The following PRR14 variants were observed in gnomAD, a reference collection of about 807,000 sequenced individuals.
PRR14 encodes proline-rich protein 14.
PRR14 carries 33 observed loss-of-function variants against 57.2 expected under a neutral mutation model. That is an observed-to-expected ratio of 0.58 (90% CI 0.44 to 0.77). PRR14 has a LOEUF of 0.77. Ranked by LOEUF, PRR14 falls within the 30% of genes least tolerant of loss-of-function variation. The pLI, the probability that PRR14 is intolerant of heterozygous loss-of-function variation, is 0.00. For synonymous variants in PRR14, 303 were observed against 314.7 expected, an observed-to-expected ratio of 0.96 and a Z score of 0.39; for missense variants, 716 against 788.1, an observed-to-expected ratio of 0.91 and a Z score of 1.10.
At position 30,654,768 on chromosome 16, in the gene PRR14, G is replaced by A. The variant is rs895233834; in HGVS notation, c.798G>A (p.Thr266=). ...AGAGCTTTGCTGACATCTTCCTCACGCCCAACAAAACCCCACAGCCCCCAC... is the reference window on the plus strand; with the variant it reads ...AGAGCTTTGCTGACATCTTCCTCACACCCAACAAAACCCCACAGCCCCCAC... ...KLESFADIFL[T]PNKTPQPPPP... The change falls in exon 8 of 12, where the codon ACG becomes ACA. Residue 266 remains threonine, a synonymous_variant. Transcript: ENST00000300835. 15 of 1,612,654 alleles carry A rather than the reference G, an allele frequency of 9.3e-6. No individual in the cohort carries two copies. The highest frequency in any genetic ancestry group is 4.0e-5 in the African/African-American group (3 of 74,854).
Position 30,655,927 on chromosome 16 carries a change from C to T in PRR14, c.1466C>T (p.Pro489Leu), listed in dbSNP as rs78849083. The T allele has an allele frequency of 1.4e-5, 23 of 1,614,018 alleles. No individual in the cohort carries two copies. The highest frequency in any genetic ancestry group is 3.3e-5 in the Admixed American group (2 of 59,998). Residue 489 changes from proline (P) to leucine (L), a missense_variant, in exon 11 of 12, where the codon CCC (proline) becomes CTC (leucine). By Grantham distance (98) the Pro-to-Leu change is moderately conservative (BLOSUM62 -3). Transcript: ENST00000300835. This position sits in a 1 kb window ranked among gnomAD's most constrained non-coding sequence, Gnocchi z 4.6. ...EIYTNKNYQS[P>L]TTRRTFETIF... ...TACACCAACAAGAATTACCAATCAC[C>T]CACAACCAGGAGGTGAGACACTTGG...
rs2052313851 is a variant in PRR14, at chr16:30,651,674, AGCGTACCCGG to A, written c.23+10_23+19del. ...GACTTGCCCGGGGACTCCAGGTGAG[AGCGTACCCGG>A]GCGGCCCGCCTGTCTTGACCCCGGG... On this transcript the variant is annotated splice_region_variant and intron_variant, in intron 2 of 11. Coordinates refer to ENST00000300835, the MANE Select transcript of PRR14 (RefSeq NM_024031.5). This position sits in a 1 kb window ranked among gnomAD's most constrained non-coding sequence, Gnocchi z 5.0. 1.9e-6 allele frequency: 3 copies of A among 1,609,460 alleles called. No individual in the cohort carries two copies. The African/African-American group carries it at 4.0e-5, about 22-fold the overall frequency.
In PRR14 at chr16:30,656,128, C is replaced by T. The variant is rs766770252; in HGVS notation, c.1575C>T (p.Asp525=). 2 of 1,576,588 alleles carry T rather than the reference C, an allele frequency of 1.3e-6. No homozygotes were observed. Among genetic ancestry groups the T allele is most frequent in the Non-Finnish European group, 8.6e-7 (1 of 1,162,858 alleles). Residue 525 remains aspartate (D), a synonymous_variant, in exon 12 of 12, where the codon GAC becomes GAT. Transcript: ENST00000300835. The stretch of plus-strand genomic sequence containing the variant: ...TCCGGCGGGCTGTGGAATTTCGGGA[C>T]AGCAGCCTTCCTCGATCACGAAGAC... ...RKLRRAVEFR[D]SSLPRSRRPS...
chr16:30,655,684 A>C lies in PRR14; in HGVS notation c.1406+91A>C. On this transcript the variant is annotated intron_variant, in intron 10 of 11. Transcript: ENST00000300835. The surrounding 1 kb of genome is among the most constrained non-coding windows in gnomAD (Gnocchi z 4.6). ...ATAGCTTTGTCTCCCCTCAGGGAGC[A>C]CAGTCCAGCCTGAAAGATTCAATTC... 2.9e-6 allele frequency: 4 copies of C among 1,368,980 alleles called. No homozygotes were observed. Among genetic ancestry groups the C allele is most frequent in the South Asian group, 2.4e-5 (2 of 84,412 alleles). The allele number at this position is 1,368,980 out of a possible 1,614,324, so 84.8% of individuals were successfully genotyped here.
intron 3 of PRR14, 109 bp from the exon 4 acceptor site, chr16:30,652,612 C>A: frequency 7.4e-7 from 1 of 1,352,674 alleles, no homozygotes; most frequent in South Asian, 1.2e-5. Flanking sequence ...TGAATTCTAG[C>A]CCCAATCTCT....
At position 30,656,402 on chromosome 16, in the gene PRR14, A is replaced by C. The variant is rs924171295; in HGVS notation, c.*91A>C. 1 of 1,243,250 alleles carries C rather than the reference A, an allele frequency of 8.0e-7. No homozygotes were observed. The highest frequency in any genetic ancestry group is 1.5e-5 in the African/African-American group (1 of 65,660). The allele number at this position is 1,243,250 out of a possible 1,614,324, so 77.0% of individuals were successfully genotyped here. The stretch of plus-strand genomic sequence containing the variant: ...CTCTATATTTCTAGTAAAGTTTTCG[A>C]TATGTTTCTGATTCTTTTGTATCTC... On this transcript the variant is annotated 3_prime_UTR_variant, in exon 12 of 12. Transcript: ENST00000300835.
intron 6 of PRR14, among the ~76,000 whole-genome samples, chr16:30,653,811 C>T (rs2052337334): frequency 6.6e-6 from 1 of 152,176 alleles, no homozygotes; most frequent in African/African-American, 2.4e-5. Flanking sequence ...GGATTACAGG[C>T]ATCCGCCACA....
In PRR14 at chr16:30,652,904, C is replaced by G. The variant is rs1301797838; in HGVS notation, c.315-10C>G. 1 of 1,613,790 alleles carries G rather than the reference C, an allele frequency of 6.2e-7. No individual in the cohort carries two copies. Among genetic ancestry groups the G allele is most frequent in the African/African-American group, 1.3e-5 (1 of 74,940 alleles). On this transcript the variant is annotated splice_polypyrimidine_tract_variant and intron_variant, in intron 4 of 11. Coordinates refer to ENST00000300835, the MANE Select transcript of PRR14 (RefSeq NM_024031.5). ...GCTGAGCCATTTTAATCTTCCTGTT[C>G]CCTCGCTAGGCCTCCCGACCCTCTG...
chr16:30,655,251 C>T lies in PRR14; in HGVS notation c.1244+37C>T. On this transcript the variant is annotated intron_variant, in intron 8 of 11. Coordinates refer to ENST00000300835, the MANE Select transcript of PRR14 (RefSeq NM_024031.5). This position sits in a 1 kb window ranked among gnomAD's most constrained non-coding sequence, Gnocchi z 4.6. ...AAAAAACCCCCTTGAAGCCTGGCTG[C>T]AGCCTGGTCCCAGCCTCCTTCCCTG... The T allele has an allele frequency of 6.3e-7, 1 of 1,593,958 alleles. No individual in the cohort carries two copies. The highest frequency in any genetic ancestry group is 8.6e-7 in the Non-Finnish European group (1 of 1,166,622).
rs766916067 is a variant in PRR14 at position 30,652,901 on chromosome 16, G to T, written c.315-13G>T. On this transcript the variant is annotated splice_polypyrimidine_tract_variant and intron_variant, in intron 4 of 11. Coordinates refer to ENST00000300835, the MANE Select transcript of PRR14 (RefSeq NM_024031.5). ...CCAGCTGAGCCATTTTAATCTTCCTGTTCCCTCGCTAGGCCTCCCGACCCT... is the reference window on the plus strand; with the variant it reads ...CCAGCTGAGCCATTTTAATCTTCCTTTTCCCTCGCTAGGCCTCCCGACCCT... 4 of 1,613,772 alleles carry T rather than the reference G, an allele frequency of 2.5e-6. No homozygotes were observed. The highest frequency in any genetic ancestry group is 3.4e-6 in the Non-Finnish European group (4 of 1,179,906).
Position 30,651,849 on chromosome 16 carries a change from G to A in PRR14, c.77G>A (p.Gly26Glu), listed in dbSNP as rs1351439556. 1.2e-6 allele frequency: 2 copies of A among 1,606,708 alleles called. No homozygotes were observed. The highest frequency in any genetic ancestry group is 1.3e-5 in the African/African-American group (1 of 74,782). ...CRQPLTRALW[G>E]ARSPKRPRLQ... ...CAGCCTCTGACTCGAGCATTATGGG[G>A]AGCCAGGAGCCCGAAACGGCCGAGG... is the stretch of plus-strand genomic sequence containing the variant. The change falls in exon 3 of 12, where the codon GGA (glycine) becomes GAA (glutamate). Residue 26 changes from glycine (G) to glutamate (E), a missense_variant. By Grantham distance (98) the Gly-to-Glu change is moderately conservative (BLOSUM62 -2). Transcript: ENST00000300835. This position sits in a 1 kb window ranked among gnomAD's most constrained non-coding sequence, Gnocchi z 5.0.
chr16:30,651,796 C>G lies in PRR14; in HGVS notation c.24C>G (p.Ser8Arg). The G allele has an allele frequency of 6.2e-7, 1 of 1,606,462 alleles. No homozygotes were observed. Among genetic ancestry groups the G allele is most frequent in the Non-Finnish European group, 8.5e-7 (1 of 1,179,854 alleles). The change falls in exon 3 of 12, where the codon AGC (serine) becomes AGG (arginine). Residue 8 changes from serine (S) to arginine (R), a missense_variant and splice_region_variant. Coordinates refer to ENST00000300835, the MANE Select transcript of PRR14 (RefSeq NM_024031.5). The surrounding 1 kb of genome is among the most constrained non-coding windows in gnomAD (Gnocchi z 5.0). Reference protein sequence around the residue: MDLPGDSSPPGQPRLCRQ... With the variant: MDLPGDSRPPGQPRLCRQ... Reference sequence around the variant, plus strand: ...GTCCTCTGCTTCTTTCACCCTCCAGCCCGCCTGGCCAGCCGCGTCTGTGCC... The same window carrying G: ...GTCCTCTGCTTCTTTCACCCTCCAGGCCGCCTGGCCAGCCGCGTCTGTGCC...
rs1394615709 is a variant in PRR14, at chr16:30,655,478, T to C, written c.1315-24T>C. ...GGGGGCCTGAGCCCATGTCACTCTT[T>C]CACCCTCTGCCCCATTTTTGCAGAC... On this transcript the variant is annotated intron_variant, in intron 9 of 11. Coordinates refer to ENST00000300835, the MANE Select transcript of PRR14 (RefSeq NM_024031.5). The surrounding 1 kb of genome is among the most constrained non-coding windows in gnomAD (Gnocchi z 4.6). The C allele has an allele frequency of 6.2e-7, 1 of 1,613,992 alleles. No individual in the cohort carries two copies.
Position 30,651,621 on chromosome 16 carries a change from C to T in PRR14, c.-25C>T, listed in dbSNP as rs1014393229. On this transcript the variant is annotated 5_prime_UTR_variant, in exon 2 of 12. Coordinates refer to ENST00000300835, the MANE Select transcript of PRR14 (RefSeq NM_024031.5). The surrounding 1 kb of genome is among the most constrained non-coding windows in gnomAD (Gnocchi z 5.0). The stretch of plus-strand genomic sequence containing the variant: ...GCCGCAGCCTGGGATTCCCCAGGGA[C>T]CCCCCCGGAGCCGCCGCGTCTCCCA... The T allele has an allele frequency of 5.8e-6, 9 of 1,565,132 alleles. No individual in the cohort carries two copies. Among genetic ancestry groups the T allele is most frequent in the African/African-American group, 1.4e-5 (1 of 73,348 alleles).
Position 30,656,281 on chromosome 16 carries a change from A to T in PRR14, c.1728A>T (p.Thr576=), listed in dbSNP as rs770070012. ...ELDALLLEEE[T]VDREQPHWT is the part of the protein sequence containing the mutation. ...ATGCCTTGCTCCTGGAGGAAGAAAC[A>T]GTAGATCGGGAGCAGCCCCACTGGA... Residue 576 remains threonine, a synonymous_variant, in exon 12 of 12, where the codon ACA becomes ACT. Coordinates refer to ENST00000300835, the MANE Select transcript of PRR14 (RefSeq NM_024031.5). 3.1e-6 allele frequency: 5 copies of T among 1,612,726 alleles called. No homozygotes were observed. In the Middle Eastern group the frequency reaches 5.0e-4, roughly 160 times the overall value.
chr16:30,651,658 G>C lies in PRR14; in HGVS notation c.13G>C (p.Gly5Arg). 1 of 1,545,926 alleles carries C rather than the reference G, an allele frequency of 6.5e-7. No homozygotes were observed. Among genetic ancestry groups the C allele is most frequent in the Non-Finnish European group, 8.8e-7 (1 of 1,137,942 alleles). MDLP[G>R]DSSPPGQPRL... ...CGCCGCGTCTCCCATGGACTTGCCC[G>C]GGGACTCCAGGTGAGAGCGTACCCG... The change falls in exon 2 of 12, where the codon GGG becomes CGG. Residue 5 changes from glycine (G) to arginine (R), a missense_variant. By Grantham distance (125) the Gly-to-Arg change is moderately radical. Coordinates refer to ENST00000300835, the MANE Select transcript of PRR14 (RefSeq NM_024031.5). The surrounding 1 kb of genome is among the most constrained non-coding windows in gnomAD (Gnocchi z 5.0).
chr16:30,652,732 G>C lies in PRR14; in HGVS notation c.204G>C (p.Val68=). 1 of 1,614,148 alleles carries C rather than the reference G, an allele frequency of 6.2e-7. No individual in the cohort carries two copies. The highest frequency in any genetic ancestry group is 1.3e-5 in the African/African-American group (1 of 75,026). The stretch of plus-strand genomic sequence containing the variant: ...TCTTTCTCTTCCAGGTCCCCGTGGT[G>C]CCCTCAAAGCAGACCTCCATACCAC... The part of the protein sequence containing the change: ...DVMAVHMVPV[V]PSKQTSIPQH... Residue 68 remains valine (V), a synonymous_variant, in exon 4 of 12, where the codon GTG becomes GTC. Coordinates refer to ENST00000300835, the MANE Select transcript of PRR14 (RefSeq NM_024031.5).
At position 30,651,861 on chromosome 16, in the gene PRR14, C is replaced by T. The variant is rs779838569; in HGVS notation, c.89C>T (p.Pro30Leu). 2 of 1,606,964 alleles carry T rather than the reference C, an allele frequency of 1.2e-6. No homozygotes were observed. Among genetic ancestry groups the T allele is most frequent in the South Asian group, 1.1e-5 (1 of 90,886 alleles). ...LTRALWGARSPKRPRLQLPGA... is the reference protein window; with the variant it reads ...LTRALWGARSLKRPRLQLPGA... Reference sequence around the variant, plus strand: ...CGAGCATTATGGGGAGCCAGGAGCCCGAAACGGCCGAGGCTGCAGCTCCCG... The same window carrying T: ...CGAGCATTATGGGGAGCCAGGAGCCTGAAACGGCCGAGGCTGCAGCTCCCG... The change falls in exon 3 of 12, where the codon CCG (proline) becomes CTG (leucine). Residue 30 changes from proline (P) to leucine (L), a missense_variant. Transcript: ENST00000300835. The surrounding 1 kb of genome is among the most constrained non-coding windows in gnomAD (Gnocchi z 5.0).
In PRR14 at chr16:30,651,002, G is replaced by A. The variant is rs183874516; in HGVS notation, c.-176G>A. On this transcript the variant is annotated 5_prime_UTR_variant, in exon 1 of 12. Transcript: ENST00000300835. The surrounding 1 kb of genome is among the most constrained non-coding windows in gnomAD (Gnocchi z 5.0). ...GGTATCTGCTTGACAGTGGATCCCT[G>A]GGGATCTACGCTGAGTTCGGAGATG... is the stretch of plus-strand genomic sequence containing the variant. 4.4e-6 allele frequency: 2 copies of A among 456,172 alleles called. No individual in the cohort carries two copies. The highest frequency in any genetic ancestry group is 8.8e-6 in the Non-Finnish European group (2 of 226,526). 28.3% of individuals were successfully genotyped at this position (456,172 alleles called of 1,614,324 possible).
Sources: gnomAD v4.1 joint callset for allele counts (sites outside exome capture counted in the v4.1 genomes callset) on GRCh38, gnomAD v4.1.1 for gene constraint, Gnocchi (gnomAD v3.1) non-coding constraint, MANE v1.5 for transcripts, NCBI Gene and HGNC (gene_info 2026-07-23, HGNC 2026-07-21) for gene names.